The following CSF2RB variants were observed in gnomAD, a reference collection of about 807,000 sequenced individuals.
The protein encoded by CSF2RB is colony stimulating factor 2 receptor subunit beta.
Under a neutral mutation model 67.2 loss-of-function variants are expected in CSF2RB, and 22 were observed. The ratio of observed to expected loss-of-function variants is 0.33; its 90% confidence interval spans 0.23 to 0.47. CSF2RB has a LOEUF of 0.47. Among genes scored for constraint, CSF2RB ranks in the 20% least tolerant of loss-of-function variants. The probability of loss-of-function intolerance (pLI) is 1.00; values close to 1 mark genes in which losing one functional copy is unlikely to be tolerated. For synonymous variants in CSF2RB, 507 were observed against 482.9 expected, an observed-to-expected ratio of 1.05 and a Z score of -0.65; for missense variants, 1,113 against 1,174.5, an observed-to-expected ratio of 0.95 and a Z score of 0.76.
At chr22:36,928,183 CTCCATGT>C (rs1686153746) in intron 4 of CSF2RB, among the ~76,000 whole-genome samples, 1 of 152,178 alleles carries the variant, frequency 6.6e-6, no homozygotes, top group African/African-American at 2.4e-5. Context: ...TGCTCTGAGT[CTCCATGT>C]TTGGAGACCT....
In CSF2RB at chr22:36,930,676, G is replaced by GGAA. The variant is rs1283149827; in HGVS notation, c.861_863dup (p.Glu288dup). 2 of 1,612,470 alleles carry GGAA rather than the reference G, an allele frequency of 1.2e-6. No homozygotes were observed. The highest frequency in any genetic ancestry group is 2.7e-5 in the African/African-American group (2 of 74,846). On this transcript the variant is annotated inframe_insertion, in exon 8 of 14. Coordinates refer to ENST00000403662, the MANE Select transcript of CSF2RB (RefSeq NM_000395.3). Reference sequence around the variant, plus strand: ...TCAGCTCTGCTGTGCTCCTCAGGGAGGAAGAGTGCTCCCCAGTGCTGAGGG... The same window carrying GGAA: ...TCAGCTCTGCTGTGCTCCTCAGGGAGGAAGAAGAGTGCTCCCCAGTGCTGAGGG...
intron 2 of CSF2RB, 140 bp from the exon 3 acceptor site, chr22:36,923,104 C>A: frequency 8.1e-7 from 1 of 1,238,932 alleles, no homozygotes; most frequent in Non-Finnish European, 1.2e-6. Context: ...AACACATGTA[C>A]ATGTGCCTGG....
intron 4 of CSF2RB, among the ~76,000 whole-genome samples, chr22:36,926,621 G>T (rs1198275556): frequency 2.6e-5 from 4 of 152,152 alleles, no homozygotes; most frequent in Non-Finnish European, 4.4e-5. Flanking sequence ...CCTTCCCGGG[G>T]GCTTCCTGCA....
At position 36,936,479 on chromosome 22, in the gene CSF2RB, G is replaced by A. The variant is rs536388453; in HGVS notation, c.1465-70G>A. The A allele has an allele frequency of 2.6e-5, 33 of 1,247,938 alleles. No individual in the cohort carries two copies. The African/African-American group carries it at 3.4e-4, about 13-fold the overall frequency. The allele number at this position is 1,247,938 out of a possible 1,614,324, so 77.3% of individuals were successfully genotyped here. A position where few individuals can be genotyped will look rare whatever the true frequency, so the allele number is the denominator to read the frequency against. The stretch of plus-strand genomic sequence containing the variant: ...GCTCCTTGAATCCTCCTGCACCCCC[G>A]TCACCCTCTGCCTTGCCCCCACCTC... On this transcript the variant is annotated intron_variant, in intron 12 of 13. Transcript: ENST00000403662.
chr22:36,935,215 C>G, intron 10 of CSF2RB, 136 bp from the exon 11 acceptor site: 1 of 801,964 alleles, frequency 1.2e-6, no homozygotes, highest in Non-Finnish European at 2.1e-6. Context: ...CCTAATCCCC[C>G]AAGGCAGTAA....
chr22:36,930,877 A>C (rs1941135976), intron 8 of CSF2RB, 47 bp downstream of exon 8: 1 of 1,606,734 alleles, frequency 6.2e-7, no homozygotes. Context: ...GGACCAGCAC[A>C]CCCTCATTGT....
chr22:36,932,663 C>T, intron 8 of CSF2RB, 102 bp from the exon 9 acceptor site: 1 of 1,386,678 alleles, frequency 7.2e-7, no homozygotes, highest in South Asian at 1.2e-5. Context: ...AACCTGGGGT[C>T]TGGTGCCAGT....
At chr22:36,926,972 G>A (rs1331650050) in intron 4 of CSF2RB, among the ~76,000 whole-genome samples, 2 of 152,148 alleles carry the variant, frequency 1.3e-5, no homozygotes, top group African/African-American at 4.8e-5. Flanking sequence ...GCTTGGTGCT[G>A]TTATTGGTGC....
At chr22:36,923,819 T>A in intron 3 of CSF2RB, 2 of 1,284,664 alleles carry the variant, frequency 1.6e-6, no homozygotes, top group South Asian at 1.2e-5. Flanking sequence ...GCCCTGGAGG[T>A]GAGGTGCCAG....
intron 1 of CSF2RB, among the ~76,000 whole-genome samples, chr22:36,918,991 G>C (rs1300498967): frequency 6.6e-6 from 1 of 152,196 alleles, no homozygotes. Context: ...TCCCACCTAA[G>C]TCAACTGCCA....
At chr22:36,925,718 C>A (rs1940999233) in intron 3 of CSF2RB, among the ~76,000 whole-genome samples, 1 of 152,178 alleles carries the variant, frequency 6.6e-6, no homozygotes, top group African/African-American at 2.4e-5. Flanking sequence ...TTTCAAATTG[C>A]CTCCCTGGCC....
intron 1 of CSF2RB, among the ~76,000 whole-genome samples, chr22:36,920,850 G>A (rs1940844378): frequency 6.6e-6 from 1 of 151,976 alleles, no homozygotes; most frequent in Admixed American, 6.6e-5. Flanking sequence ...TTTTAGATAG[G>A]CATTTTTATG....
chr22:36,916,663 G>A (rs1191713835), intron 1 of CSF2RB, among the ~76,000 whole-genome samples: 1 of 152,124 alleles, frequency 6.6e-6, no homozygotes, highest in Non-Finnish European at 1.5e-5. Flanking sequence ...TTCAAGACCA[G>A]CCTGGCCAAC....
chr22:36,929,125 G>A (rs1351148166), intron 4 of CSF2RB, among the ~76,000 whole-genome samples: 1 of 152,208 alleles, frequency 6.6e-6, no homozygotes, highest in Non-Finnish European at 1.5e-5. Context: ...CAGGACAGAG[G>A]AGGCTCCAAT....
chr22:36,933,811 A>T, intron 9 of CSF2RB, 21 bp from the exon 10 acceptor site: 1 of 1,599,774 alleles, frequency 6.3e-7, no homozygotes, highest in Non-Finnish European at 8.5e-7. Context: ...GCCAGGCCTC[A>T]CCCTCAGTGC....
chr22:36,937,960 G>T lies in CSF2RB; in HGVS notation c.2152G>T (p.Val718Leu). ...ASGYVSSADL[V>L]FTPNSGASSV... is the part of the protein sequence containing the mutation. ...TGGTTATGTCTCCTCTGCAGACCTG[G>T]TATTCACCCCAAACTCAGGGGCCTC... The change falls in exon 14 of 14, where the codon GTA (valine) becomes TTA (leucine). Residue 718 changes from valine (V) to leucine (L), a missense_variant. Around this residue, in one of 2 missense-constraint regions of CSF2RB, gnomAD observed 554 missense variants for 517.9 expected, o/e 1.07. Coordinates refer to ENST00000403662, the MANE Select transcript of CSF2RB (RefSeq NM_000395.3). This position sits in a 1 kb window ranked among gnomAD's most constrained non-coding sequence, Gnocchi z 4.6. 6.2e-7 allele frequency: 1 copy of T among 1,614,160 alleles called. No individual in the cohort carries two copies. Among genetic ancestry groups the T allele is most frequent in the Non-Finnish European group, 8.5e-7 (1 of 1,180,020 alleles).
At position 36,938,481 on chromosome 22, in the gene CSF2RB, C is replaced by T; in HGVS notation, c.2673C>T (p.Asn891=). 4 of 1,613,760 alleles carry T rather than the reference C, an allele frequency of 2.5e-6. No homozygotes were observed. The highest frequency in any genetic ancestry group is 3.4e-6 in the Non-Finnish European group (4 of 1,179,838). ...TGTCTCTGCCCCCTTGGGAGGTCAA[C>T]AAGCCTGGGGAGGTGTGTTGAGACC... ...DYLSLPPWEV[N]KPGEVC is the part of the protein sequence containing the mutation. Residue 891 remains asparagine, a synonymous_variant, in exon 14 of 14, where the codon AAC becomes AAT. Coordinates refer to ENST00000403662, the MANE Select transcript of CSF2RB (RefSeq NM_000395.3).
Position 36,936,542 on chromosome 22 carries a change from C to G in CSF2RB, c.1465-7C>G. ...GCTCACCGGCCCAAATGTCTCTGCT[C>G]TTGCAGAACGGGAGCGCAGAGCTTT... On this transcript the variant is annotated splice_region_variant and splice_polypyrimidine_tract_variant and intron_variant, in intron 12 of 13. Coordinates refer to ENST00000403662, the MANE Select transcript of CSF2RB (RefSeq NM_000395.3). 4.3e-6 allele frequency: 7 copies of G among 1,612,422 alleles called. No homozygotes were observed. Among genetic ancestry groups the G allele is most frequent in the Non-Finnish European group, 5.9e-6 (7 of 1,179,884 alleles).
At chr22:36,932,575 G>A (rs755834865) in intron 8 of CSF2RB, among the ~76,000 whole-genome samples, 190 bp from the exon 9 acceptor site, 14 of 152,172 alleles carry the variant, frequency 9.2e-5, no homozygotes, top group Non-Finnish European at 1.6e-4. Context: ...GTGTATCTCA[G>A]CATCTCCCAC....
Sources: gnomAD v4.1 joint callset for allele counts (sites outside exome capture counted in the v4.1 genomes callset) on GRCh38, gnomAD v4.1.1 for gene constraint, gnomAD v4.1.1 regional missense constraint, Gnocchi (gnomAD v3.1) non-coding constraint, MANE v1.5 for transcripts, NCBI Gene and HGNC (gene_info 2026-07-23, HGNC 2026-07-21) for gene names.